The following CLEC16A variants were observed in gnomAD, a reference collection of about 807,000 sequenced individuals.
The protein encoded by CLEC16A is protein CLEC16A.
A neutral mutation model predicts 109.5 loss-of-function variants in CLEC16A; 51 were observed. The observed-to-expected ratio is 0.47, with a 90% CI of 0.37 to 0.59. The LOEUF (loss-of-function observed/expected upper bound fraction) is 0.59, where lower values mean the gene tolerates loss of function less well. Among genes scored for constraint, CLEC16A ranks in the 20% least tolerant of loss-of-function variants. CLEC16A has a pLI of 0.00. For synonymous variants in CLEC16A, 673 were observed against 564.2 expected (o/e 1.19, Z -2.73); for missense variants, 1,339 against 1,394.0 (o/e 0.96, Z 0.63).
chr16:11,023,220 A>G (rs2046223644), intron 12 of CLEC16A, among the ~76,000 whole-genome samples: 1 of 151,586 alleles, frequency 6.6e-6, no homozygotes, highest in African/African-American at 2.4e-5. Context: ...ATCAACTCCC[A>G]AGCAAACTTT....
chr16:10,972,400 G>A (rs1413295780), intron 5 of CLEC16A, 154 bp from the exon 6 acceptor site: 13 of 656,780 alleles, frequency 2.0e-5, no homozygotes, highest in Admixed American at 1.6e-4. Flanking sequence ...GTTTTCTCCT[G>A]TCTCCTTCTA....
chr16:11,089,066 T>G (rs1032403317), intron 19 of CLEC16A, among the ~76,000 whole-genome samples: 1 of 152,174 alleles, frequency 6.6e-6, no homozygotes, highest in Non-Finnish European at 1.5e-5. Context: ...GGTGTCCTTC[T>G]GGACCAAGCT....
intron 17 of CLEC16A, among the ~76,000 whole-genome samples, chr16:11,051,188 C>T (rs2047921058): frequency 6.6e-6 from 1 of 152,210 alleles, no homozygotes; most frequent in South Asian, 2.1e-4. Context: ...GCATACCTGG[C>T]CTCCTGCTGA....
chr16:11,118,344 A>C (rs1489548793), intron 19 of CLEC16A, among the ~76,000 whole-genome samples: 1 of 146,740 alleles, frequency 6.8e-6, no homozygotes, highest in Non-Finnish European at 1.5e-5. Flanking sequence ...TTTCTCATTT[A>C]ACGCACCAAA....
chr16:11,171,174 C>T (rs28672863), intron 23 of CLEC16A, among the ~76,000 whole-genome samples: 2,095 of 152,300 alleles, frequency 0.014, 46 homozygotes, highest in African/African-American at 0.047. Context: ...TATAGCCCAG[C>T]GGTAGCTTCA....
At chr16:11,022,871 C>A (rs910292703) in intron 12 of CLEC16A, among the ~76,000 whole-genome samples, 9 of 149,730 alleles carry the variant, frequency 6.0e-5, no homozygotes, top group Admixed American at 4.7e-4. Flanking sequence ...TGCACTCCAG[C>A]CTGGGCAACA....
chr16:11,114,318 T>C (rs1235190708), intron 19 of CLEC16A, among the ~76,000 whole-genome samples: 2 of 152,172 alleles, frequency 1.3e-5, no homozygotes, highest in Non-Finnish European at 2.9e-5. Flanking sequence ...CTGATAATTT[T>C]CTTAATAGAA....
At chr16:11,107,735 C>G (rs544050842) in intron 19 of CLEC16A, among the ~76,000 whole-genome samples, 3 of 152,360 alleles carry the variant, frequency 2.0e-5, no homozygotes, top group African/African-American at 7.2e-5. Context: ...ACACTGGAAT[C>G]AGCACTGGCT....
intron 19 of CLEC16A, among the ~76,000 whole-genome samples, chr16:11,101,444 C>T (rs1178238704): frequency 6.6e-6 from 1 of 152,238 alleles, no homozygotes; most frequent in Non-Finnish European, 1.5e-5. Context: ...TGCCCCTTCC[C>T]TGCATGTCCT....
chr16:11,180,185 TCTC>T lies in CLEC16A; in HGVS notation c.*1499_*1501del, dbSNP rs1344905966. 1.3e-5 allele frequency: 2 copies of T among 152,276 alleles called. No individual in the cohort carries two copies. Among genetic ancestry groups the T allele is most frequent in the African/African-American group, 4.8e-5 (2 of 41,432 alleles). 9.4% of individuals were successfully genotyped at this position (152,276 alleles called of 1,614,324 possible). A position where few individuals can be genotyped will look rare whatever the true frequency, so the allele number is the denominator to read the frequency against. On this transcript the variant is annotated 3_prime_UTR_variant, in exon 24 of 24. Transcript: ENST00000409790. ...GCATTTTAGAAGAACATGGTCTCTG[TCTC>T]CTCGGCCCAGCCAGCTGTCCCGGCA...
At chr16:11,110,573 A>G (rs995464702) in intron 19 of CLEC16A, among the ~76,000 whole-genome samples, 1 of 152,236 alleles carries the variant, frequency 6.6e-6, no homozygotes, top group Non-Finnish European at 1.5e-5. Context: ...TACCTTAGGC[A>G]GAAGGGTTCC....
At chr16:10,948,138 C>A (rs973153850) in intron 1 of CLEC16A, among the ~76,000 whole-genome samples, 3 of 152,164 alleles carry the variant, frequency 2.0e-5, no homozygotes, top group African/African-American at 7.2e-5. Context: ...TGTGATCTGC[C>A]CTCCTTGACC....
At chr16:11,085,115 T>C (rs1055722131) in intron 19 of CLEC16A, among the ~76,000 whole-genome samples, 1 of 152,158 alleles carries the variant, frequency 6.6e-6, no homozygotes, top group Non-Finnish European at 1.5e-5. Context: ...GTCTGAAGGG[T>C]TGAAAGGCAC....
At chr16:10,948,811 C>A (rs891291759) in intron 1 of CLEC16A, among the ~76,000 whole-genome samples, 4 of 152,198 alleles carry the variant, frequency 2.6e-5, no homozygotes, top group African/African-American at 9.7e-5. Context: ...TCAGCTCTAC[C>A]TTTTTCCTGT....
chr16:10,951,468 T>A (rs367603702), intron 1 of CLEC16A, among the ~76,000 whole-genome samples: 1 of 152,218 alleles, frequency 6.6e-6, no homozygotes. Flanking sequence ...CTTACTTCAT[T>A]GTTTGCATTT....
At chr16:11,016,136 A>AT (rs149790999) in intron 11 of CLEC16A, among the ~76,000 whole-genome samples, 20,445 of 152,050 alleles carry the variant, frequency 0.13, 1,379 homozygotes, top group African/African-American at 0.14. Context: ...AACAAAATAG[A>AT]TTTTAAAAGA....
intron 1 of CLEC16A, among the ~76,000 whole-genome samples, chr16:10,955,572 G>A (rs753085312): frequency 3.3e-5 from 5 of 152,204 alleles, no homozygotes; most frequent in African/African-American, 4.8e-5. Context: ...GACAAGGACA[G>A]CAAGGGCATT....
intron 23 of CLEC16A, among the ~76,000 whole-genome samples, chr16:11,172,471 C>G (rs377585934): frequency 6.6e-6 from 1 of 152,318 alleles, no homozygotes; most frequent in Admixed American, 6.5e-5. Flanking sequence ...TCCAAGTGAA[C>G]TACCTTGGGG....
At chr16:11,177,225 A>G (rs2068784497) in intron 23 of CLEC16A, among the ~76,000 whole-genome samples, 1 of 152,222 alleles carries the variant, frequency 6.6e-6, no homozygotes, top group Non-Finnish European at 1.5e-5. Context: ...GATGTTTTCC[A>G]CAATGAATTC....
Sources: allele counts gnomAD v4.1 joint callset (sites outside exome capture counted in the v4.1 genomes callset), GRCh38; gene constraint gnomAD v4.1.1; transcripts MANE v1.5; gene names NCBI Gene and HGNC (gene_info 2026-07-23, HGNC 2026-07-21).